UGT2B7: variants seen among roughly 807,000 people sequenced by gnomAD.
The protein encoded by UGT2B7 is UDP-glucuronosyltransferase 2B7.
Under a neutral mutation model 51.9 loss-of-function variants are expected in UGT2B7, and 51 were observed. The observed-to-expected ratio is 0.98, with a 90% CI of 0.78 to 1.24. UGT2B7 has a LOEUF of 1.24. Among genes scored for constraint, UGT2B7 ranks in the 50% most tolerant of loss-of-function variants. UGT2B7 has a pLI of 0.00. For missense variants in UGT2B7, 727 were observed against 628.4 expected (o/e 1.16, Z -1.68); for synonymous variants, 225 against 211.6 (o/e 1.06, Z -0.55).
At chr4:69,106,278 T>C (rs7698846) in intron 3 of UGT2B7, among the ~76,000 whole-genome samples, 89,645 of 151,758 alleles carry the variant, frequency 0.59, 27,836 homozygotes, top group African/African-American at 0.77. Context: ...TACACCACAG[T>C]GTATGTTGTT....
rs1718708041 is a variant in UGT2B7, at chr4:69,076,377, G to A, written c.-158-13095G>A. ...CACTACACTGTCTTCCACAATGGTT[G>A]AACTAATTTACACTCTCACCAACAG... is the stretch of plus-strand genomic sequence containing the variant. On this transcript the variant is annotated intron_variant, in intron 1 of 5. Coordinates refer to the UGT2B7 transcript ENST00000502942. Among the ~76,000 whole-genome samples the A allele has an allele frequency of 2.0e-5, 3 of 152,174 alleles. No homozygotes were observed. In the South Asian group the frequency reaches 6.2e-4, roughly 31 times the overall value.
upstream of UGT2B7, among the ~76,000 whole-genome samples, chr4:69,093,465 C>G (rs62296943): frequency 6.6e-6 from 1 of 152,020 alleles, no homozygotes; most frequent in Admixed American, 6.6e-5. Context: ...AAATGGGGCC[C>G]GCAGACTGTC....
intron 1 of UGT2B7, among the ~76,000 whole-genome samples, chr4:69,057,397 G>A (rs1236143672): frequency 1.3e-5 from 2 of 152,036 alleles, no homozygotes; most frequent in East Asian, 1.9e-4. Flanking sequence ...TGTATCTTGT[G>A]GCACATACCT....
In UGT2B7 at chr4:69,102,875, C is replaced by T. The variant is rs1278507634; in HGVS notation, c.939C>T (p.Val313=). 6.2e-7 allele frequency: 1 copy of T among 1,613,588 alleles called. No individual in the cohort carries two copies. Among genetic ancestry groups the T allele is most frequent in the South Asian group, 1.1e-5 (1 of 91,068 alleles). Residue 313 remains valine (V), a synonymous_variant, in exon 3 of 6, where the codon GTC becomes GTT. Transcript: ENST00000305231. ...GVVVFSLGSM[V]SNMTEERANV... The stretch of plus-strand genomic sequence containing the variant: ...TGGTGTTTTCTCTGGGGTCAATGGT[C>T]AGTAACATGACAGAAGAAAGGGCCA...
chr4:69,051,976 G>A (rs567413946), intron 1 of UGT2B7, among the ~76,000 whole-genome samples: 22 of 152,210 alleles, frequency 1.4e-4, no homozygotes, highest in African/African-American at 3.9e-4. Flanking sequence ...TGGTGTGAGC[G>A]TGGTGTTTTG....
At chr4:69,070,588 C>A (rs1262384331) in intron 1 of UGT2B7, among the ~76,000 whole-genome samples, 2 of 151,742 alleles carry the variant, frequency 1.3e-5, no homozygotes, top group African/African-American at 4.8e-5. Flanking sequence ...AAAGAAAATC[C>A]ATTTATGAAT....
chr4:69,099,042 A>G (rs1553913517), intron 2 of UGT2B7, among the ~76,000 whole-genome samples: 2 of 151,978 alleles, frequency 1.3e-5, no homozygotes, highest in Admixed American at 6.6e-5. Context: ...AAAAAAATAG[A>G]CACAGTTTCT....
chr4:69,061,345 G>A (rs1253264472), intron 1 of UGT2B7, among the ~76,000 whole-genome samples: 1 of 152,198 alleles, frequency 6.6e-6, no homozygotes, highest in African/African-American at 2.4e-5. Flanking sequence ...CCCCAAACAG[G>A]TAGCAGTAAT....
chr4:69,089,151 T>C (rs1219648596), intron 1 of UGT2B7, among the ~76,000 whole-genome samples: 1 of 152,088 alleles, frequency 6.6e-6, no homozygotes, highest in Admixed American at 6.6e-5. Flanking sequence ...ACATCACTCC[T>C]CAAGGAATAC....
chr4:69,082,532 C>T lies in UGT2B7; in HGVS notation c.-158-6940C>T, dbSNP rs148152049. Among the ~76,000 whole-genome samples the T allele has an allele frequency of 8.3e-3, 1,265 of 152,106 alleles. 11 individuals carry two copies. Among genetic ancestry groups the T allele is most frequent in the Middle Eastern group, 0.031 (9 of 292 alleles). Reference sequence around the variant, plus strand: ...AAGTTTTAATCTGGATATATCAAACCAGCCACAATCACGCCTTAACCCTAA... The same window carrying T: ...AAGTTTTAATCTGGATATATCAAACTAGCCACAATCACGCCTTAACCCTAA... On this transcript the variant is annotated intron_variant, in intron 1 of 5. Transcript: ENST00000502942.
intron 2 of UGT2B7, among the ~76,000 whole-genome samples, chr4:69,101,836 T>C (rs1186837170): frequency 6.6e-6 from 1 of 152,148 alleles, no homozygotes; most frequent in Non-Finnish European, 1.5e-5. Flanking sequence ...CAAGCACATC[T>C]TCACTAGGAA....
intron 1 of UGT2B7, among the ~76,000 whole-genome samples, chr4:69,086,731 A>T (rs1359956942): frequency 6.6e-6 from 1 of 151,802 alleles, no homozygotes; most frequent in Non-Finnish European, 1.5e-5. Flanking sequence ...ACAATGGCCA[A>T]CTTCTTATCA....
At chr4:69,098,854 A>G (rs1259244369) in intron 2 of UGT2B7, among the ~76,000 whole-genome samples, 166 bp downstream of exon 2, 8 of 151,946 alleles carry the variant, frequency 5.3e-5, no homozygotes, top group Non-Finnish European at 1.0e-4. Context: ...ATACCATCAC[A>G]CGTATATGAG....
Position 69,070,678 on chromosome 4 carries a change from A to C in UGT2B7, c.-158-18794A>C, listed in dbSNP as rs558650015. Among the ~76,000 whole-genome samples the C allele has an allele frequency of 1.2e-4, 18 of 152,214 alleles. No homozygotes were observed. In the South Asian group the frequency reaches 3.3e-3, roughly 28 times the overall value. On this transcript the variant is annotated intron_variant, in intron 1 of 5. Coordinates refer to the UGT2B7 transcript ENST00000502942. ...TACATGGAAATAGAAAATTACATAA[A>C]AATTAAGTGTAAAATGATTATTAGA...
chr4:69,096,640 G>A lies in UGT2B7; in HGVS notation c.120G>A (p.Lys40=), dbSNP rs1182597170. ...AATACAGCCATTGGATGAATATAAA[G>A]ACAATCCTGGATGAGCTTATTCAGA... is the stretch of plus-strand genomic sequence containing the variant. The part of the protein sequence containing the change: ...AAEYSHWMNI[K]TILDELIQRG... The change falls in exon 1 of 6, where the codon AAG becomes AAA. Residue 40 remains lysine (K), a synonymous_variant. Coordinates refer to ENST00000305231, the MANE Select transcript of UGT2B7 (RefSeq NM_001074.4). The A allele has an allele frequency of 6.2e-7, 1 of 1,613,886 alleles. No homozygotes were observed. The highest frequency in any genetic ancestry group is 1.3e-5 in the African/African-American group (1 of 74,908).
chr4:69,093,401 T>G (rs62296942), upstream of UGT2B7, among the ~76,000 whole-genome samples: 87,729 of 152,050 alleles, frequency 0.58, 26,316 homozygotes, highest in African/African-American at 0.71. Context: ...AACACTGCTA[T>G]CACGGCTGGT....
rs150248109 is a variant in UGT2B7, at chr4:69,108,197, G to C, written c.1185G>C (p.Leu395Phe). The stretch of plus-strand genomic sequence containing the variant: ...GGATCCCTATGGTGGGGATTCCATT[G>C]TTTGCCGATCAACCTGATAACATTG... Reference protein sequence around the residue: ...YHGIPMVGIPLFADQPDNIAH... With the variant: ...YHGIPMVGIPFFADQPDNIAH... The change falls in exon 5 of 6, where the codon TTG becomes TTC. Residue 395 changes from leucine (L) to phenylalanine (F), a missense_variant. Leu to Phe is a conservative substitution (Grantham distance 22, BLOSUM62 0). Coordinates refer to ENST00000305231, the MANE Select transcript of UGT2B7 (RefSeq NM_001074.4). 4.3e-6 allele frequency: 7 copies of C among 1,613,692 alleles called. No individual in the cohort carries two copies. In the African/African-American group the frequency reaches 8.0e-5, roughly 18 times the overall value.
intron 3 of UGT2B7, among the ~76,000 whole-genome samples, chr4:69,103,358 G>T (rs1719490178): frequency 6.6e-6 from 1 of 151,926 alleles, no homozygotes; most frequent in African/African-American, 2.4e-5. Flanking sequence ...TCAGACTTAG[G>T]GGTTGCATGT....
At chr4:69,072,597 T>C (rs546372600) in intron 1 of UGT2B7, among the ~76,000 whole-genome samples, 16 of 152,334 alleles carry the variant, frequency 1.1e-4, no homozygotes, top group African/African-American at 3.8e-4. Flanking sequence ...TTTAATAGTC[T>C]TAAATATATT....
Sources: allele counts gnomAD v4.1 joint callset (sites outside exome capture counted in the v4.1 genomes callset), GRCh38; gene constraint gnomAD v4.1.1; transcripts MANE v1.5; gene names NCBI Gene and HGNC (gene_info 2026-07-23, HGNC 2026-07-21).